Variants in MCC observed in about 807,000 individuals in gnomAD.
The protein encoded by MCC is colorectal mutant cancer protein.
Under a neutral mutation model 116.2 loss-of-function variants are expected in MCC, and 90 were observed. The ratio of observed to expected loss-of-function variants is 0.77; its 90% confidence interval spans 0.65 to 0.92. The LOEUF (loss-of-function observed/expected upper bound fraction) is 0.92, where lower values mean the gene tolerates loss of function less well. Among genes scored for constraint, MCC ranks in the 40% least tolerant of loss-of-function variants. The pLI, the probability that MCC is intolerant of heterozygous loss-of-function variation, is 0.00. For missense variants in MCC, 1,516 were observed against 1,312.2 expected (o/e 1.16, Z -2.40); for synonymous variants, 578 against 510.5 (o/e 1.13, Z -1.78).
intron 17 of MCC, among the ~76,000 whole-genome samples, chr5:113,034,888 C>T (rs1191837583): frequency 6.6e-6 from 1 of 152,220 alleles, no homozygotes; most frequent in East Asian, 1.9e-4. Context: ...TTTCGTTCTG[C>T]TTCATTGGCT....
chr5:113,041,584 TAGCCAGG>T (rs1751707016), intron 17 of MCC, among the ~76,000 whole-genome samples: 1 of 152,140 alleles, frequency 6.6e-6, no homozygotes, highest in South Asian at 2.1e-4. Context: ...GGGCTGTTAT[TAGCCAGG>T]AGACACAGAA....
rs185205394 is a variant in MCC at position 113,196,598 on chromosome 5, C to T, written c.628-45176G>A. 6.0e-4 allele frequency among the ~76,000 whole-genome samples: 92 copies of T among 152,288 alleles called. 2 individuals carry two copies. In the South Asian group the frequency reaches 0.014, roughly 23 times the overall value. On this transcript the variant is annotated intron_variant, in intron 3 of 18. Transcript: ENST00000408903. ...GGGCGCAGTGGCTCACGCCTATAAT[C>T]CCAGCACTTTGGGAGGCCAAGGTGG...
chr5:113,334,765 AT>A (rs1354852653), intron 3 of MCC, among the ~76,000 whole-genome samples: 1 of 150,258 alleles, frequency 6.7e-6, no homozygotes, highest in Middle Eastern at 3.2e-3. Context: ...TAATTTTTGT[AT>A]TTTTAGTAGA....
chr5:113,107,179 A>G (rs1325183703), intron 6 of MCC, among the ~76,000 whole-genome samples: 9 of 151,520 alleles, frequency 5.9e-5, no homozygotes, highest in Non-Finnish European at 1.0e-4. Context: ...CAGGAAGGCT[A>G]TAAACAGACT....
intron 3 of MCC, among the ~76,000 whole-genome samples, chr5:113,175,739 C>G (rs1761299967): frequency 6.6e-6 from 1 of 152,050 alleles, no homozygotes; most frequent in Non-Finnish European, 1.5e-5. Context: ...TCCTTATAAT[C>G]TACTCTAAAA....
chr5:113,114,921 G>A (rs192394204), intron 6 of MCC, among the ~76,000 whole-genome samples: 128 of 151,210 alleles, frequency 8.5e-4, no homozygotes, highest in Non-Finnish European at 2.5e-4. Flanking sequence ...GGTGCCATGG[G>A]CGCAGATGCT....
chr5:113,429,940 G>A (rs906676165), intron 1 of MCC, among the ~76,000 whole-genome samples: 2 of 152,182 alleles, frequency 1.3e-5, no homozygotes, highest in African/African-American at 2.4e-5. Flanking sequence ...TCAAGGTCAC[G>A]TCTTTGTACA....
At position 113,045,668 on chromosome 5, in the gene MCC, G is replaced by A. The variant is rs191699926; in HGVS notation, c.2656-2038C>T. 2.4e-3 allele frequency among the ~76,000 whole-genome samples: 365 copies of A among 152,002 alleles called. 1 individual carries two copies. The highest frequency in any genetic ancestry group is 5.8e-3 in the African/African-American group (242 of 41,460). ...TACAAAATTAACCAGGCATGGTGGCGCACACCTGTAGTCCCAGATAATTGG... is the reference window on the plus strand; with the variant it reads ...TACAAAATTAACCAGGCATGGTGGCACACACCTGTAGTCCCAGATAATTGG... On this transcript the variant is annotated intron_variant, in intron 16 of 18. Coordinates refer to ENST00000408903, the MANE Select transcript of MCC (RefSeq NM_001085377.2).
chr5:113,462,269 C>T (rs1450371980), intron 1 of MCC, among the ~76,000 whole-genome samples: 1 of 152,164 alleles, frequency 6.6e-6, no homozygotes, highest in Non-Finnish European at 1.5e-5. Context: ...CTGGGCCTTG[C>T]CTCCTTTTAA....
intron 6 of MCC, among the ~76,000 whole-genome samples, chr5:113,118,164 G>A (rs971707793): frequency 6.6e-6 from 1 of 152,196 alleles, no homozygotes; most frequent in Non-Finnish European, 1.5e-5. Context: ...AAACATGAGG[G>A]ATGCATGTAA....
At chr5:113,473,460 G>C (rs1375662602) in intron 1 of MCC, among the ~76,000 whole-genome samples, 1 of 152,126 alleles carries the variant, frequency 6.6e-6, no homozygotes, top group African/African-American at 2.4e-5. Context: ...GGAGTGTGAG[G>C]CTGCTGTGGG....
At chr5:113,400,256 G>A (rs1343881190) in intron 1 of MCC, among the ~76,000 whole-genome samples, 3 of 150,814 alleles carry the variant, frequency 2.0e-5, no homozygotes, top group Non-Finnish European at 4.4e-5. Flanking sequence ...CCGAGTAGCT[G>A]GAATTGCAGG....
chr5:113,400,447 T>C (rs1194899688), intron 1 of MCC, among the ~76,000 whole-genome samples: 1 of 152,100 alleles, frequency 6.6e-6, no homozygotes, highest in Non-Finnish European at 1.5e-5. Flanking sequence ...CTTAATTTGA[T>C]GTTTCCTATT....
chr5:113,054,023 T>A, intron 14 of MCC, 64 bp from the exon 15 acceptor site: 1 of 1,173,468 alleles, frequency 8.5e-7, no homozygotes, highest in Middle Eastern at 2.0e-4. Flanking sequence ...CAAATAGATC[T>A]TTCCTCCTCA....
chr5:113,105,310 T>A (rs778064552), intron 6 of MCC, among the ~76,000 whole-genome samples: 36 of 152,230 alleles, frequency 2.4e-4, no homozygotes, highest in Non-Finnish European at 4.4e-4. Flanking sequence ...ACAGGTTCCA[T>A]GTACTAAAAT....
chr5:113,265,729 TC>T (rs922163579), intron 3 of MCC, among the ~76,000 whole-genome samples: 120 of 152,124 alleles, frequency 7.9e-4, no homozygotes, highest in African/African-American at 2.8e-3. Context: ...CCATCATGCT[TC>T]CCTCACTGCA....
In MCC at chr5:113,128,719, A is replaced by C. The variant is rs147790676; in HGVS notation, c.885-5893T>G. 1.6e-3 allele frequency among the ~76,000 whole-genome samples: 237 copies of C among 152,352 alleles called. 1 individual carries two copies. Among genetic ancestry groups the C allele is most frequent in the African/African-American group, 5.5e-3 (227 of 41,584 alleles). On this transcript the variant is annotated intron_variant, in intron 5 of 18. Transcript: ENST00000408903. ...CAAATATTAAAAAAGAGATTGATAC[A>C]GACCACACAGGAAAACAGGGAGAGA... is the stretch of plus-strand genomic sequence containing the variant.
At chr5:113,368,310 G>T (rs774312563) in intron 2 of MCC, among the ~76,000 whole-genome samples, 1 of 152,156 alleles carries the variant, frequency 6.6e-6, no homozygotes, top group Non-Finnish European at 1.5e-5. Flanking sequence ...ATTGGTCAGA[G>T]TTTATCTTTT....
chr5:113,418,374 G>A (rs2150405975), intron 1 of MCC, among the ~76,000 whole-genome samples: 1 of 152,004 alleles, frequency 6.6e-6, no homozygotes, highest in Non-Finnish European at 1.5e-5. Context: ...CATTCATTGT[G>A]CCAAAGTTTA....
Sources: allele counts gnomAD v4.1 joint callset (sites outside exome capture counted in the v4.1 genomes callset), GRCh38; gene constraint gnomAD v4.1.1; transcripts MANE v1.5; gene names NCBI Gene and HGNC (gene_info 2026-07-23, HGNC 2026-07-21).